SMARCA1: variants seen among roughly 807,000 people sequenced by gnomAD.
SMARCA1 encodes SWI/SNF-related matrix-associated actin-dependent regulator of chromatin subfamily A member 1.
Under a neutral mutation model 93.6 loss-of-function variants are expected in SMARCA1, and 17 were observed. The observed-to-expected ratio is 0.18, with a 90% confidence interval of 0.12 to 0.27. SMARCA1 has a LOEUF of 0.27. Ranked by LOEUF, SMARCA1 falls within the 10% of genes least tolerant of loss-of-function variation. The pLI is 1.00. For missense variants in SMARCA1, 630 were observed against 819.0 expected (o/e 0.77, Z 2.82); for synonymous variants, 271 against 271.4 (o/e 1.00, Z 0.01).
chrX:129,504,549 T>TAAAAAAAAAAAAAAAAAAAA lies in SMARCA1; in HGVS notation c.1167+165_1167+184dup, dbSNP rs780225300. Among the ~76,000 whole-genome samples, 2 of 24,214 alleles carry TAAAAAAAAAAAAAAAAAAAA rather than the reference T, an allele frequency of 8.3e-5. 1 individual carries two copies. Among genetic ancestry groups the TAAAAAAAAAAAAAAAAAAAA allele is most frequent in the African/African-American group, 2.9e-4 (2 of 7,010 alleles). 21.0% of individuals were successfully genotyped at this position (24,214 alleles called of 115,157 possible). A position where few individuals can be genotyped will look rare whatever the true frequency, so the allele number is the denominator to read the frequency against. On this transcript the variant is annotated intron_variant, in intron 9 of 24. Coordinates refer to ENST00000371121, the MANE Select transcript of SMARCA1 (RefSeq NM_001282874.2). Reference sequence around the variant, plus strand: ...GAGAGAGGCTGAGGACATAGAGGAATAAAAAAAAAAAAAAAAAAAAAAAAA... The same window carrying TAAAAAAAAAAAAAAAAAAAA: ...GAGAGAGGCTGAGGACATAGAGGAATAAAAAAAAAAAAAAAAAAAAAAAAAAAAAAAAAAAAAAAAAAAAA...
chrX:129,510,903 G>A (rs1409710417), intron 6 of SMARCA1, among the ~76,000 whole-genome samples: 1 of 110,961 alleles, frequency 9.0e-6, no homozygotes, highest in African/African-American at 3.3e-5. Flanking sequence ...TAAATTATTT[G>A]TAAGTTAAAT....
In SMARCA1 at chrX:129,523,404, C is replaced by T; in HGVS notation, c.-34G>A. On this transcript the variant is annotated 5_prime_UTR_variant, in exon 1 of 25. Coordinates refer to ENST00000371121, the MANE Select transcript of SMARCA1 (RefSeq NM_001282874.2). ...AGCGGGAACGAGTAGGGGGACAAGG[C>T]AGGGGACGAGGGCTCCTGGGCGGCG... is the stretch of plus-strand genomic sequence containing the variant. 1 of 1,123,901 alleles carries T rather than the reference C, an allele frequency of 8.9e-7. No homozygotes were observed. The highest frequency in any genetic ancestry group is 1.2e-6 in the Non-Finnish European group (1 of 849,354). 92.6% of individuals were successfully genotyped at this position (1,123,901 alleles called of 1,213,427 possible).
chrX:129,494,126 T>C (rs1934227500), intron 12 of SMARCA1, among the ~76,000 whole-genome samples: 1 of 112,054 alleles, frequency 8.9e-6, no homozygotes, highest in Non-Finnish European at 1.9e-5. Flanking sequence ...GTTTGGAATT[T>C]TTAAAAACCA....
At chrX:129,489,217 G>A (rs1027684854) in intron 15 of SMARCA1, 132 bp from the exon 16 acceptor site, 1 of 369,543 alleles carries the variant, frequency 2.7e-6, no homozygotes, top group Non-Finnish European at 4.6e-6. Context: ...TGAGCATTAA[G>A]GTTATTTGTT....
intron 13 of SMARCA1, 45 bp from the exon 14 acceptor site, chrX:129,492,138 A>G (rs769484210): frequency 2.4e-6 from 2 of 830,178 alleles, no homozygotes; most frequent in Non-Finnish European, 3.5e-6. Context: ...AGAGAAAAAT[A>G]AAATTAGACC....
At chrX:129,501,060 A>G (rs1394736075) in intron 9 of SMARCA1, among the ~76,000 whole-genome samples, 1 of 112,171 alleles carries the variant, frequency 8.9e-6, no homozygotes, top group Non-Finnish European at 1.9e-5. Flanking sequence ...CTTTACATGT[A>G]TTATTTAATC....
intron 23 of SMARCA1, among the ~76,000 whole-genome samples, chrX:129,461,821 A>G (rs778413688): frequency 8.9e-6 from 1 of 112,137 alleles, no homozygotes; most frequent in East Asian, 2.8e-4. Flanking sequence ...GTAGTTCAAT[A>G]GAGACTGATT....
chrX:129,475,143 A>G, intron 19 of SMARCA1, among the ~76,000 whole-genome samples: 1 of 107,419 alleles, frequency 9.3e-6, no homozygotes, highest in South Asian at 4.1e-4. Flanking sequence ...TTTTAATAAG[A>G]CATACATTTT....
At chrX:129,484,138 C>G (rs5977090) in intron 17 of SMARCA1, among the ~76,000 whole-genome samples, 27,786 of 111,053 alleles carry the variant, frequency 0.25, 2,825 homozygotes, top group East Asian at 0.75. Context: ...AAACCAGTTA[C>G]AGATAGCCAA....
intron 7 of SMARCA1, among the ~76,000 whole-genome samples, chrX:129,506,677 G>A (rs1298206553): frequency 1.5e-5 from 1 of 68,327 alleles, no homozygotes; most frequent in Non-Finnish European, 2.5e-5. Flanking sequence ...GCAACGGAGT[G>A]AAACTCCGTC....
intron 2 of SMARCA1, 86 bp from the exon 3 acceptor site, chrX:129,516,583 C>A: frequency 1.3e-6 from 1 of 782,039 alleles, no homozygotes; most frequent in East Asian, 3.2e-5. Flanking sequence ...GAACAACATT[C>A]TTAGCACTTG....
chrX:129,480,392 C>T (rs1933599927), intron 19 of SMARCA1, among the ~76,000 whole-genome samples: 1 of 112,177 alleles, frequency 8.9e-6, no homozygotes, highest in Non-Finnish European at 1.9e-5. Context: ...CGCTTTTAAC[C>T]GCATACCTAT....
At chrX:129,503,636 G>A (rs968231702) in intron 9 of SMARCA1, among the ~76,000 whole-genome samples, 3 of 111,482 alleles carry the variant, frequency 2.7e-5, no homozygotes, top group African/African-American at 9.8e-5. Context: ...ATGAACGAAA[G>A]CACTAGAAAG....
At position 129,515,984 on chromosome X, in the gene SMARCA1, T is replaced by C; in HGVS notation, c.439A>G (p.Arg147Gly). 8.4e-7 allele frequency: 1 copy of C among 1,197,385 alleles called. No homozygotes were observed. The highest frequency in any genetic ancestry group is 1.7e-5 in the African/African-American group (1 of 57,510). ...TCATCTTCTTCTTGCTCTGTGCGCCTATGGCGGTAGCTGAAATTAAAAAAG... is the reference window on the plus strand; with the variant it reads ...TCATCTTCTTCTTGCTCTGTGCGCCCATGGCGGTAGCTGAAATTAAAAAAG... The part of the protein sequence containing the change: ...SLISAGDYRH[R>G]RTEQEEDEEL... The change falls in exon 4 of 25, where the codon AGG becomes GGG. Residue 147 changes from arginine (R) to glycine (G), a missense_variant. Around this residue, in one of 4 missense-constraint regions of SMARCA1, gnomAD observed 382 missense variants for 537.9 expected, o/e 0.71. Coordinates refer to ENST00000371121, the MANE Select transcript of SMARCA1 (RefSeq NM_001282874.2).
intron 23 of SMARCA1, among the ~76,000 whole-genome samples, chrX:129,451,003 G>A (rs923535296): frequency 1.8e-5 from 2 of 111,751 alleles, no homozygotes; most frequent in African/African-American, 6.5e-5. Flanking sequence ...AAAGGAGGCA[G>A]AAAACCAGAG....
intron 23 of SMARCA1, among the ~76,000 whole-genome samples, chrX:129,448,968 A>G (rs1020379252): frequency 4.0e-5 from 4 of 99,598 alleles, no homozygotes; most frequent in African/African-American, 1.7e-4. Flanking sequence ...ATTGAACTGC[A>G]CACACACACA....
intron 19 of SMARCA1, among the ~76,000 whole-genome samples, chrX:129,473,896 G>A (rs1933255925): frequency 9.0e-6 from 1 of 111,452 alleles, no homozygotes; most frequent in Non-Finnish European, 1.9e-5. Flanking sequence ...GTATGCACTT[G>A]TGAAAAAACA....
intron 13 of SMARCA1, among the ~76,000 whole-genome samples, chrX:129,492,701 A>G (rs1456782171): frequency 9.0e-6 from 1 of 111,346 alleles, no homozygotes; most frequent in Non-Finnish European, 1.9e-5. Flanking sequence ...TAAAATTAAT[A>G]TGAATATTCT....
At position 129,506,166 on chromosome X, in the gene SMARCA1, G is replaced by T; in HGVS notation, c.1012C>A (p.Leu338Ile). 1 of 1,195,742 alleles carries T rather than the reference G, an allele frequency of 8.4e-7. No homozygotes were observed. Among genetic ancestry groups the T allele is most frequent in the Non-Finnish European group, 1.1e-6 (1 of 881,273 alleles). ...REFKSTNRLLLTGTPLQNNLH... is the reference protein window; with the variant it reads ...REFKSTNRLLITGTPLQNNLH... ...TTATTCTGCAAAGGTGTTCCAGTTA[G>T]GAGCAAGCGGTTAGTCGACTTGAAC... Residue 338 changes from leucine (L) to isoleucine (I), a missense_variant, in exon 8 of 25, where the codon CTA becomes ATA. Leu to Ile is a conservative substitution (Grantham distance 5). Around this residue, in one of 4 missense-constraint regions of SMARCA1, gnomAD observed 382 missense variants for 537.9 expected, o/e 0.71. Coordinates refer to ENST00000371121, the MANE Select transcript of SMARCA1 (RefSeq NM_001282874.2).
Sources: allele counts gnomAD v4.1 joint callset (sites outside exome capture counted in the v4.1 genomes callset), GRCh38; gene constraint gnomAD v4.1.1; regional missense constraint gnomAD v4.1.1; transcripts MANE v1.5; gene names NCBI Gene and HGNC (gene_info 2026-07-23, HGNC 2026-07-21).